KCNIP1: variants seen among roughly 807,000 people sequenced by gnomAD.
KCNIP1 encodes potassium voltage-gated channel interacting protein 1.
Under a neutral mutation model 33.0 loss-of-function variants are expected in KCNIP1, and 18 were observed. The ratio of observed to expected loss-of-function variants is 0.55; its 90% CI spans 0.38 to 0.81. The LOEUF (loss-of-function observed/expected upper bound fraction) is 0.81. KCNIP1 is among the 30% of genes least tolerant of loss of function. The pLI is 0.00. For missense variants in KCNIP1, 238 were observed against 271.6 expected (o/e 0.88, Z 0.87); for synonymous variants, 93 against 98.3 (o/e 0.95, Z 0.32).
upstream of KCNIP1, among the ~76,000 whole-genome samples, chr5:170,503,470 A>G (rs1381829699): frequency 6.6e-6 from 1 of 151,352 alleles, no homozygotes; most frequent in East Asian, 1.9e-4. Context: ...CTCCTCCCCA[A>G]CTCCCTGTCA....
chr5:170,529,225 C>G (rs542720495), intron 1 of KCNIP1, among the ~76,000 whole-genome samples: 2 of 152,310 alleles, frequency 1.3e-5, no homozygotes, highest in Admixed American at 1.3e-4. Flanking sequence ...TGGCTTCATT[C>G]TCAGGAAATG....
chr5:170,386,928 G>C (rs1238920214), intron 1 of KCNIP1, among the ~76,000 whole-genome samples: 1 of 151,942 alleles, frequency 6.6e-6, no homozygotes, highest in African/African-American at 2.4e-5. Context: ...ACCCTCCCCT[G>C]CTAGGCTCCT....
chr5:170,516,235 G>A (rs969094777), intron 1 of KCNIP1, among the ~76,000 whole-genome samples: 8 of 152,100 alleles, frequency 5.3e-5, no homozygotes, highest in African/African-American at 1.2e-4. Context: ...GTGTCTCCCC[G>A]TGATCACTGC....
intron 5 of KCNIP1, among the ~76,000 whole-genome samples, chr5:170,732,537 C>T (rs1214763241): frequency 2.0e-5 from 3 of 152,124 alleles, no homozygotes; most frequent in Admixed American, 1.3e-4. Context: ...AATCACCCCC[C>T]ACTGAAGACA....
chr5:170,380,127 A>G (rs1764181635), intron 1 of KCNIP1, among the ~76,000 whole-genome samples: 1 of 152,224 alleles, frequency 6.6e-6, no homozygotes, highest in Admixed American at 6.5e-5. Context: ...CACACATTTA[A>G]TTCTGACGTT....
intron 1 of KCNIP1, among the ~76,000 whole-genome samples, chr5:170,674,165 AAGGAAG>A (rs1762033972): frequency 1.6e-5 from 1 of 62,630 alleles, no homozygotes. Flanking sequence ...GGAAGGAAGG[AAGGAAG>A]GAAGGAAGGA....
intron 1 of KCNIP1, chr5:170,385,611 G>T: frequency 1.2e-6 from 1 of 851,922 alleles, no homozygotes; most frequent in Non-Finnish European, 1.8e-6. Context: ...ACTTCCAGAA[G>T]TCTTGCTTTT....
intron 1 of KCNIP1, among the ~76,000 whole-genome samples, chr5:170,484,919 C>CT (rs1221456904): frequency 2.1e-5 from 3 of 146,238 alleles, no homozygotes; most frequent in Admixed American, 7.0e-5. Flanking sequence ...CTGGGTCTTT[C>CT]TTTTTTTTGT....
intron 1 of KCNIP1, among the ~76,000 whole-genome samples, chr5:170,665,404 C>T (rs1464142177): frequency 6.6e-6 from 1 of 152,136 alleles, no homozygotes; most frequent in African/African-American, 2.4e-5. Context: ...TCTGAGAGAT[C>T]ATCCCAAGCC....
At chr5:170,597,191 G>A (rs566434036) in intron 1 of KCNIP1, among the ~76,000 whole-genome samples, 9 of 152,264 alleles carry the variant, frequency 5.9e-5, no homozygotes, top group East Asian at 1.9e-4. Flanking sequence ...AGGCCCGCAC[G>A]GTGGGTGGCT....
At chr5:170,585,968 G>C (rs999110730) in intron 1 of KCNIP1, among the ~76,000 whole-genome samples, 1 of 152,218 alleles carries the variant, frequency 6.6e-6, no homozygotes, top group African/African-American at 2.4e-5. Context: ...CCTGAAGAGC[G>C]TAGTGGTTGA....
At chr5:170,490,046 A>C (rs994935494) in intron 1 of KCNIP1, among the ~76,000 whole-genome samples, 12 of 152,216 alleles carry the variant, frequency 7.9e-5, no homozygotes, top group Non-Finnish European at 1.6e-4. Context: ...AATGAGACTG[A>C]GAGGGCTCAA....
chr5:170,449,760 G>C (rs931179661), intron 1 of KCNIP1, among the ~76,000 whole-genome samples: 3 of 152,098 alleles, frequency 2.0e-5, no homozygotes, highest in African/African-American at 7.2e-5. Context: ...CTGAGCAATG[G>C]GTCAGCTAAT....
intron 1 of KCNIP1, among the ~76,000 whole-genome samples, chr5:170,371,251 G>C (rs1242153557): frequency 1.3e-5 from 2 of 152,068 alleles, no homozygotes; most frequent in Admixed American, 6.5e-5. Context: ...TCGTGGTCCT[G>C]TCTGTCTTGG....
chr5:170,664,337 C>T (rs1020252844), intron 1 of KCNIP1, among the ~76,000 whole-genome samples: 1 of 152,178 alleles, frequency 6.6e-6, no homozygotes, highest in Non-Finnish European at 1.5e-5. Flanking sequence ...AAAACAGGCT[C>T]AGTTCCCCTC....
intron 1 of KCNIP1, among the ~76,000 whole-genome samples, chr5:170,458,229 C>T (rs1329814993): frequency 6.6e-6 from 1 of 152,138 alleles, no homozygotes; most frequent in Non-Finnish European, 1.5e-5. Context: ...GAATAATTGG[C>T]ATTCCTGAGG....
At chr5:170,583,362 T>C (rs893839909) in intron 1 of KCNIP1, among the ~76,000 whole-genome samples, 2 of 152,176 alleles carry the variant, frequency 1.3e-5, no homozygotes, top group African/African-American at 4.8e-5. Flanking sequence ...TTTATAACCT[T>C]CCCAGTGCCT....
intron 1 of KCNIP1, among the ~76,000 whole-genome samples, chr5:170,578,088 G>T (rs1005172639): frequency 6.6e-6 from 1 of 152,216 alleles, no homozygotes; most frequent in African/African-American, 2.4e-5. Context: ...CATGTCTTGA[G>T]TGCCCACTAT....
chr5:170,467,022 C>T (rs936986393), intron 1 of KCNIP1, among the ~76,000 whole-genome samples: 1 of 152,106 alleles, frequency 6.6e-6, no homozygotes, highest in Non-Finnish European at 1.5e-5. Flanking sequence ...TGTAATAAAA[C>T]CGAGACTCAA....
Sources: allele counts gnomAD v4.1 joint callset (sites outside exome capture counted in the v4.1 genomes callset), GRCh38; gene constraint gnomAD v4.1.1; transcripts MANE v1.5; gene names NCBI Gene and HGNC (gene_info 2026-07-23, HGNC 2026-07-21).